Variants in RBM47 observed in about 807,000 individuals in gnomAD.
The protein encoded by RBM47 is RNA binding motif protein 47.
A neutral mutation model predicts 47.1 loss-of-function variants in RBM47; 21 were observed. That is an observed-to-expected ratio of 0.45 (90% CI 0.32 to 0.64). RBM47 has a LOEUF of 0.64. Among genes scored for constraint, RBM47 ranks in the 30% least tolerant of loss-of-function variants. The pLI is 0.05. For synonymous variants in RBM47, 375 were observed against 361.7 expected (o/e 1.04, Z -0.42); for missense variants, 708 against 870.9 (o/e 0.81, Z 2.35).
At chr4:40,595,758 A>G (rs4861271) in intron 1 of RBM47, among the ~76,000 whole-genome samples, 49,811 of 151,372 alleles carry the variant, frequency 0.33, 9,224 homozygotes, top group African/African-American at 0.5. Context: ...TACAAAAATT[A>G]GCCAGGCATG....
chr4:40,523,808 T>C (rs1333914660), intron 2 of RBM47, among the ~76,000 whole-genome samples: 1 of 148,690 alleles, frequency 6.7e-6, no homozygotes, highest in Non-Finnish European at 1.5e-5. Flanking sequence ...GAAGCGGCAG[T>C]GAGCAGTAAT....
At chr4:40,626,504 G>A (rs1029216547) in intron 1 of RBM47, among the ~76,000 whole-genome samples, 5 of 152,144 alleles carry the variant, frequency 3.3e-5, no homozygotes, top group African/African-American at 1.2e-4. Flanking sequence ...TGAGCTTTCT[G>A]GTAAATTCCA....
intron 2 of RBM47, among the ~76,000 whole-genome samples, chr4:40,484,715 TTCTC>T (rs57878750): frequency 6.6e-6 from 1 of 152,346 alleles, no homozygotes; most frequent in African/African-American, 2.4e-5. Flanking sequence ...CCTTCCTTCC[TTCTC>T]TATCTACCAG....
At chr4:40,577,079 A>G (rs997769312) in intron 1 of RBM47, among the ~76,000 whole-genome samples, 2 of 152,058 alleles carry the variant, frequency 1.3e-5, no homozygotes, top group East Asian at 3.9e-4. Flanking sequence ...CTTTCAGCCC[A>G]CTCCAAGGAA....
At chr4:40,506,878 T>C (rs929114986) in intron 2 of RBM47, among the ~76,000 whole-genome samples, 8 of 152,156 alleles carry the variant, frequency 5.3e-5, no homozygotes, top group African/African-American at 1.9e-4. Flanking sequence ...CTCATGCCTA[T>C]AATCCCAGCA....
At chr4:40,565,467 A>G (rs1731007072) in intron 1 of RBM47, among the ~76,000 whole-genome samples, 1 of 152,168 alleles carries the variant, frequency 6.6e-6, no homozygotes, top group South Asian at 2.1e-4. Flanking sequence ...TGGTGGACAC[A>G]TAGGAGGCTT....
Position 40,521,625 on chromosome 4 carries a change from A to G in RBM47, c.-155+22797T>C, listed in dbSNP as rs1464162045. 2.0e-5 allele frequency among the ~76,000 whole-genome samples: 3 copies of G among 152,236 alleles called. No homozygotes were observed. The East Asian group carries it at 5.8e-4, about 29-fold the overall frequency. On this transcript the variant is annotated intron_variant, in intron 2 of 6. Coordinates refer to ENST00000295971, the MANE Select transcript of RBM47 (RefSeq NM_001098634.2). ...ATGATTGCTGTCTCAAGGAAAAATC[A>G]CTTGAGAGTCACAGGCTACATTACT...
At chr4:40,466,725 G>C (rs1157203588) in intron 2 of RBM47, 26 bp from the exon 3 acceptor site, 1 of 123,432 alleles carries the variant, frequency 8.1e-6, no homozygotes, top group Non-Finnish European at 1.6e-5. Flanking sequence ...GAAATGGTTA[G>C]AAATATTTTC....
At position 40,498,054 on chromosome 4, in the gene RBM47, T is replaced by TCA. The variant is rs1553890650; in HGVS notation, c.-154-31356_-154-31355insTG. On this transcript the variant is annotated intron_variant, in intron 2 of 6. Coordinates refer to ENST00000295971, the MANE Select transcript of RBM47 (RefSeq NM_001098634.2). ...TGCAAATAAAATGTAAGTGCTTGTT[T>TCA]TATATATATATATATATATATATAT... Among the ~76,000 whole-genome samples the TCA allele has an allele frequency of 1.8e-5, 2 of 109,880 alleles. 1 individual carries two copies. The highest frequency in any genetic ancestry group is 4.8e-4 in the East Asian group (2 of 4,170). 72.1% of individuals were successfully genotyped at this position (109,880 alleles called of 152,430 possible). A position where few individuals can be genotyped will look rare whatever the true frequency, so the allele number is the denominator to read the frequency against.
chr4:40,475,735 A>G (rs573923591), intron 2 of RBM47: 1 of 152,328 alleles, frequency 6.6e-6, no homozygotes, highest in South Asian at 2.1e-4. Flanking sequence ...ACTGTAATGA[A>G]AGCTTTGCTT....
intron 2 of RBM47, among the ~76,000 whole-genome samples, chr4:40,509,093 G>T (rs1724518412): frequency 6.6e-6 from 1 of 152,028 alleles, no homozygotes; most frequent in Non-Finnish European, 1.5e-5. Flanking sequence ...CTGGGAAGCT[G>T]AGGTTGTAGT....
intron 3 of RBM47, among the ~76,000 whole-genome samples, chr4:40,441,142 G>A (rs904311331): frequency 8.6e-5 from 13 of 151,254 alleles, no homozygotes; most frequent in Admixed American, 1.3e-4. Context: ...AGAGATGGAG[G>A]GCCAGGCAGA....
rs550937194 is a variant in RBM47, at chr4:40,568,838, G to C, written c.-239-24332C>G. Among the ~76,000 whole-genome samples, 14 of 151,944 alleles carry C rather than the reference G, an allele frequency of 9.2e-5. No homozygotes were observed. The East Asian group carries it at 2.5e-3, about 27-fold the overall frequency. ...TCTACTAAAAATACAAAAATTAACTGGGCGTGCTGATGGGTGCCTGTAGTC... is the reference window on the plus strand; with the variant it reads ...TCTACTAAAAATACAAAAATTAACTCGGCGTGCTGATGGGTGCCTGTAGTC... On this transcript the variant is annotated intron_variant, in intron 1 of 6. Coordinates refer to ENST00000295971, the MANE Select transcript of RBM47 (RefSeq NM_001098634.2).
chr4:40,586,658 A>C (rs1009160301), intron 1 of RBM47, among the ~76,000 whole-genome samples: 6 of 150,962 alleles, frequency 4.0e-5, no homozygotes, highest in Non-Finnish European at 8.8e-5. Context: ...ACTCCTGAGA[A>C]CAGGCAGGCA....
intron 1 of RBM47, among the ~76,000 whole-genome samples, chr4:40,612,654 A>T (rs1736364718): frequency 6.6e-6 from 1 of 152,234 alleles, no homozygotes; most frequent in African/African-American, 2.4e-5. Flanking sequence ...TGTGACCTTA[A>T]ATGAACTGAA....
intron 2 of RBM47, among the ~76,000 whole-genome samples, chr4:40,498,054 T>TTATATATGTATATATATA (rs1553890651): frequency 2.7e-5 from 3 of 109,870 alleles, no homozygotes; most frequent in African/African-American, 9.5e-5. Flanking sequence ...AGTGCTTGTT[T>TTATATATGTATATATATA]TATATATATA....
At chr4:40,618,599 A>C (rs1736956352) in intron 1 of RBM47, among the ~76,000 whole-genome samples, 1 of 151,740 alleles carries the variant, frequency 6.6e-6, no homozygotes, top group Non-Finnish European at 1.5e-5. Context: ...TCACGAGGTC[A>C]GGAGGTCGAG....
chr4:40,612,967 T>C (rs917823071), intron 1 of RBM47, among the ~76,000 whole-genome samples: 1 of 152,194 alleles, frequency 6.6e-6, no homozygotes, highest in African/African-American at 2.4e-5. Context: ...TTTATTTATC[T>C]TTCTTCCCCA....
Position 40,511,626 on chromosome 4 carries a change from C to G in RBM47, c.-155+32796G>C, listed in dbSNP as rs188151688. ...CCCTAACAGGAGGATCCAACGTAGC[C>G]TTTGTTGATCTTAGTTTCTTACAAT... On this transcript the variant is annotated intron_variant, in intron 2 of 6. Transcript: ENST00000295971. 2.0e-4 allele frequency among the ~76,000 whole-genome samples: 30 copies of G among 152,302 alleles called. 1 individual carries two copies. Among genetic ancestry groups the G allele is most frequent in the African/African-American group, 7.2e-4 (30 of 41,574 alleles).
Sources: gnomAD v4.1 joint callset for allele counts (sites outside exome capture counted in the v4.1 genomes callset) on GRCh38, gnomAD v4.1.1 for gene constraint, MANE v1.5 for transcripts, NCBI Gene and HGNC (gene_info 2026-07-23, HGNC 2026-07-21) for gene names.